The following PRPSAP2 variants were observed in gnomAD, a reference collection of about 807,000 sequenced individuals.
The protein encoded by PRPSAP2 is phosphoribosyl pyrophosphate synthetase associated protein 2, also known as phosphoribosyl pyrophosphate synthase-associated protein 2.
PRPSAP2 carries 24 observed loss-of-function variants against 40.6 expected under a neutral mutation model. That is an observed-to-expected ratio of 0.59 (90% CI 0.43 to 0.83). The LOEUF (loss-of-function observed/expected upper bound fraction) is 0.83, where lower values mean the gene tolerates loss of function less well. PRPSAP2 is among the 40% of genes least tolerant of loss of function. The probability of loss-of-function intolerance (pLI) is 0.00; values close to 1 mark genes in which losing one functional copy is unlikely to be tolerated. For synonymous variants in PRPSAP2, 149 were observed against 164.7 expected, an observed-to-expected ratio of 0.90 and a Z score of 0.73; for missense variants, 292 against 465.6, an observed-to-expected ratio of 0.63 and a Z score of 3.43.
At chr17:18,887,549 A>G (rs939111580) in intron 7 of PRPSAP2, among the ~76,000 whole-genome samples, 3 of 152,086 alleles carry the variant, frequency 2.0e-5, no homozygotes, top group Non-Finnish European at 4.4e-5. Context: ...ATTTTTTTTA[A>G]TCTGTTAAGT....
chr17:18,867,330 C>T lies in PRPSAP2; in HGVS notation c.168C>T (p.Asn56=), dbSNP rs1316899466. The T allele has an allele frequency of 6.2e-7, 1 of 1,613,986 alleles. No individual in the cohort carries two copies. Among genetic ancestry groups the T allele is most frequent in the Non-Finnish European group, 8.5e-7 (1 of 1,180,008 alleles). ...MGKVQVYQEP[N]RETRVQIQES... is the part of the protein sequence containing the mutation. ...AAGTGCAGGTTTACCAGGAACCTAACAGAGGTGAGCTATCTTGGGCATGTG... is the reference window on the plus strand; with the variant it reads ...AAGTGCAGGTTTACCAGGAACCTAATAGAGGTGAGCTATCTTGGGCATGTG... Residue 56 remains asparagine, a synonymous_variant, in exon 4 of 12, where the codon AAC becomes AAT. Coordinates refer to ENST00000268835, the MANE Select transcript of PRPSAP2 (RefSeq NM_002767.4).
chr17:18,925,189 A>G (rs539862480), intron 10 of PRPSAP2, among the ~76,000 whole-genome samples: 8 of 152,222 alleles, frequency 5.3e-5, no homozygotes, highest in Non-Finnish European at 1.2e-4. Flanking sequence ...TTCACACATC[A>G]TAAGACCAGT....
chr17:18,923,405 G>A (rs559638826), intron 9 of PRPSAP2, among the ~76,000 whole-genome samples: 306 of 152,090 alleles, frequency 2.0e-3, no homozygotes, highest in African/African-American at 7.0e-3. Context: ...CACGCCTGGC[G>A]TGGAATTGCT....
At chr17:18,899,078 A>T (rs1392061222) in intron 8 of PRPSAP2, among the ~76,000 whole-genome samples, 2 of 151,960 alleles carry the variant, frequency 1.3e-5, no homozygotes, top group Non-Finnish European at 1.5e-5. Context: ...CTACTTTTGT[A>T]TATTTAGTAG....
At chr17:18,890,423 G>T (rs1177788995) in intron 8 of PRPSAP2, among the ~76,000 whole-genome samples, 3 of 152,104 alleles carry the variant, frequency 2.0e-5, no homozygotes, top group African/African-American at 7.2e-5. Flanking sequence ...ACCTGCCTTG[G>T]CCTCCCAAGG....
At chr17:18,878,761 T>C (rs1489196359) in intron 6 of PRPSAP2, among the ~76,000 whole-genome samples, 4 of 152,238 alleles carry the variant, frequency 2.6e-5, no homozygotes, top group Non-Finnish European at 4.4e-5. Flanking sequence ...TTCTCCATGT[T>C]GGTCAGGCTG....
chr17:18,894,781 C>T (rs1567712288), intron 8 of PRPSAP2, among the ~76,000 whole-genome samples: 1 of 152,296 alleles, frequency 6.6e-6, no homozygotes, highest in East Asian at 1.9e-4. Context: ...CCACGCCCAG[C>T]CTTAATAGTC....
intron 8 of PRPSAP2, among the ~76,000 whole-genome samples, chr17:18,902,189 T>G (rs1433137463): frequency 6.6e-6 from 1 of 152,208 alleles, no homozygotes; most frequent in Non-Finnish European, 1.5e-5. Context: ...GAGTCCTCAG[T>G]TTACTTCTGT....
intron 5 of PRPSAP2, among the ~76,000 whole-genome samples, chr17:18,876,941 G>C (rs1238460731): frequency 6.6e-6 from 1 of 152,164 alleles, no homozygotes; most frequent in East Asian, 1.9e-4. Flanking sequence ...GTTTGGACTG[G>C]AGTTGTAAAT....
chr17:18,884,884 A>G (rs1597602806), intron 7 of PRPSAP2, among the ~76,000 whole-genome samples: 1 of 152,286 alleles, frequency 6.6e-6, no homozygotes, highest in East Asian at 1.9e-4. Flanking sequence ...TCCATTCAGG[A>G]CACAGGCATG....
chr17:18,896,580 CTTTTT>C (rs58391876), intron 8 of PRPSAP2, among the ~76,000 whole-genome samples: 69 of 104,764 alleles, frequency 6.6e-4, no homozygotes, highest in Non-Finnish European at 1.1e-3. Context: ...CCAGATTTTC[CTTTTT>C]TTTTTTTTTT....
intron 1 of PRPSAP2, among the ~76,000 whole-genome samples, chr17:18,862,169 T>C (rs2037072824): frequency 6.6e-6 from 1 of 152,206 alleles, no homozygotes. Context: ...ATTATAGGCA[T>C]GAGCCACGGC....
chr17:18,915,025 CTTT>C (rs35684867), intron 9 of PRPSAP2, among the ~76,000 whole-genome samples: 4 of 130,166 alleles, frequency 3.1e-5, no homozygotes, highest in Non-Finnish European at 3.2e-5. Flanking sequence ...TGCACCCGAC[CTTT>C]TTTTTTTTTT....
At chr17:18,870,808 C>CAA (rs59205286) in intron 4 of PRPSAP2, among the ~76,000 whole-genome samples, 2 of 125,636 alleles carry the variant, frequency 1.6e-5, no homozygotes, top group African/African-American at 2.9e-5. Flanking sequence ...GACCTTGTCT[C>CAA]AAAAAAAAAA....
intron 8 of PRPSAP2, among the ~76,000 whole-genome samples, chr17:18,893,873 T>G (rs1316894096): frequency 6.6e-6 from 1 of 152,062 alleles, no homozygotes; most frequent in African/African-American, 2.4e-5. Flanking sequence ...CACCATAGCT[T>G]TTTAATTTTT....
chr17:18,901,080 C>T (rs779039786), intron 8 of PRPSAP2, among the ~76,000 whole-genome samples: 7 of 152,134 alleles, frequency 4.6e-5, no homozygotes, highest in Non-Finnish European at 8.8e-5. Context: ...TTTACTCATG[C>T]GGCGGAAATG....
chr17:18,904,843 A>G (rs1255518645), intron 8 of PRPSAP2: 1 of 152,172 alleles, frequency 6.6e-6, no homozygotes, highest in African/African-American at 2.4e-5. Flanking sequence ...TCATTATCGT[A>G]CAATCAGGAT....
At chr17:18,894,570 C>T (rs1301049734) in intron 8 of PRPSAP2, among the ~76,000 whole-genome samples, 1 of 151,118 alleles carries the variant, frequency 6.6e-6, no homozygotes, top group Non-Finnish European at 1.5e-5. Context: ...CCCTCCGCCT[C>T]CTGGGTTTAA....
chr17:18,898,281 G>A (rs2040050249), intron 8 of PRPSAP2, among the ~76,000 whole-genome samples: 1 of 152,112 alleles, frequency 6.6e-6, no homozygotes, highest in Non-Finnish European at 1.5e-5. Context: ...ACAGGCTTGA[G>A]CCACCACACC....
Sources: gnomAD v4.1 joint callset for allele counts (sites outside exome capture counted in the v4.1 genomes callset) on GRCh38, gnomAD v4.1.1 for gene constraint, MANE v1.5 for transcripts, NCBI Gene and HGNC (gene_info 2026-07-23, HGNC 2026-07-21) for gene names.